The following AP1S3 variants were observed in gnomAD, a reference collection of about 807,000 sequenced individuals.
The protein encoded by AP1S3 is AP-1 complex subunit sigma-3.
Under a neutral mutation model 20.9 loss-of-function variants are expected in AP1S3, and 10 were observed. That is an observed-to-expected ratio of 0.48 (90% CI 0.29 to 0.81). AP1S3 has a LOEUF of 0.81. AP1S3 is among the 30% of genes least tolerant of loss of function. The pLI is 0.08. For synonymous variants in AP1S3, 41 were observed against 61.5 expected (o/e 0.67, Z 1.56); for missense variants, 154 against 183.8 (o/e 0.84, Z 0.94).
intron 1 of AP1S3, among the ~76,000 whole-genome samples, chr2:223,820,110 T>A (rs1025065956): frequency 3.9e-5 from 6 of 152,322 alleles, no homozygotes; most frequent in Admixed American, 1.3e-4. Flanking sequence ...CACTTTGATA[T>A]CAATTTTACT....
intron 1 of AP1S3, among the ~76,000 whole-genome samples, chr2:223,818,187 T>C (rs1468728176): frequency 3.9e-5 from 6 of 152,094 alleles, no homozygotes; most frequent in Non-Finnish European, 8.8e-5. Context: ...GAGGCCAAAG[T>C]AGGTGGATCT....
intron 3 of AP1S3, among the ~76,000 whole-genome samples, chr2:223,773,744 A>C (rs553364472): frequency 4.6e-4 from 70 of 152,344 alleles, no homozygotes; most frequent in East Asian, 1.2e-3. Context: ...ACAAGAACAA[A>C]AAAAAACTCT....
chr2:223,770,140 T>C (rs1690580137), intron 3 of AP1S3: 1 of 1,519,664 alleles, frequency 6.6e-7, no homozygotes, highest in African/African-American at 1.4e-5. Flanking sequence ...CAAAAAGAAA[T>C]CACAATAGAT....
At chr2:223,794,380 A>G (rs896435142) in intron 1 of AP1S3, among the ~76,000 whole-genome samples, 5 of 152,094 alleles carry the variant, frequency 3.3e-5, no homozygotes, top group Non-Finnish European at 7.3e-5. Context: ...ATAAAACAAA[A>G]TAAATTATCC....
rs557388378 is a variant in AP1S3, at chr2:223,803,901, A to G, written c.4-26032T>C. ...TCTCAAAAAAAAAAAAAAAAAATAGATGAGAGTATCAATTCCAAAAGGTAC... is the reference window on the plus strand; with the variant it reads ...TCTCAAAAAAAAAAAAAAAAAATAGGTGAGAGTATCAATTCCAAAAGGTAC... On this transcript the variant is annotated intron_variant, in intron 1 of 4. Coordinates refer to ENST00000396654, the MANE Select transcript of AP1S3 (RefSeq NM_001039569.2). Among the ~76,000 whole-genome samples the G allele has an allele frequency of 8.9e-4, 135 of 151,478 alleles. 1 individual carries two copies. The highest frequency in any genetic ancestry group is 9.9e-4 in the Admixed American group (15 of 15,212).
Position 223,837,359 on chromosome 2 carries a change from CCGCGCGCCCGGCCCGGA to C in AP1S3, c.3+72_3+88del, listed in dbSNP as rs1475414907. The C allele has an allele frequency of 5.6e-6, 4 of 718,694 alleles. No homozygotes were observed. In the African/African-American group the frequency reaches 7.4e-5, roughly 13 times the overall value. The allele number at this position is 718,694 out of a possible 1,614,324, so 44.5% of individuals were successfully genotyped here. On this transcript the variant is annotated intron_variant, in intron 1 of 4. Transcript: ENST00000396654. ...GGACTCGGCCCGCACCCCCACCCGGCCGCGCGCCCGGCCCGGACGCCCCAGGTGCCTCCCCGGAGCGC... is the reference window on the plus strand; with the variant it reads ...GGACTCGGCCCGCACCCCCACCCGGCCGCCCCAGGTGCCTCCCCGGAGCGC...
At chr2:223,811,057 C>G (rs1691712482) in intron 1 of AP1S3, among the ~76,000 whole-genome samples, 1 of 151,182 alleles carries the variant, frequency 6.6e-6, no homozygotes, top group African/African-American at 2.4e-5. Flanking sequence ...CATGAATGAA[C>G]TGTAGAGTGG....
intron 1 of AP1S3, among the ~76,000 whole-genome samples, chr2:223,819,598 TAA>T (rs61543706): frequency 4.3e-4 from 63 of 146,292 alleles, no homozygotes; most frequent in African/African-American, 8.8e-4. Flanking sequence ...ATGCCTTGTG[TAA>T]AAAAAAAAAA....
At chr2:223,774,747 A>G (rs1435301401) in intron 3 of AP1S3, among the ~76,000 whole-genome samples, 1 of 152,206 alleles carries the variant, frequency 6.6e-6, no homozygotes, top group Non-Finnish European at 1.5e-5. Flanking sequence ...AAGCATAGGA[A>G]AAGACAAAAC....
At chr2:223,769,806 C>G (rs1269179492) in intron 3 of AP1S3, among the ~76,000 whole-genome samples, 1 of 133,010 alleles carries the variant, frequency 7.5e-6, no homozygotes, top group Non-Finnish European at 1.5e-5. Context: ...TGCAGTGGCG[C>G]GATCTCGGCT....
chr2:223,758,824 A>G, intron 4 of AP1S3, 74 bp from the exon 5 acceptor site: 2 of 1,295,466 alleles, frequency 1.5e-6, no homozygotes, highest in South Asian at 1.3e-5. Flanking sequence ...AATCTTCTGC[A>G]TTCTTTTATT....
chr2:223,773,344 G>A (rs1414517233), intron 3 of AP1S3: 1 of 1,303,976 alleles, frequency 7.7e-7, no homozygotes, highest in African/African-American at 1.5e-5. Flanking sequence ...TCTTGCAAAA[G>A]GCCAAGTCTG....
intron 1 of AP1S3, among the ~76,000 whole-genome samples, chr2:223,796,103 G>A (rs1361597454): frequency 6.6e-6 from 1 of 152,156 alleles, no homozygotes; most frequent in Non-Finnish European, 1.5e-5. Context: ...AACCCAGGAG[G>A]TGGAGGATGC....
At chr2:223,837,395 G>A in intron 1 of AP1S3, 53 bp downstream of exon 1, 2 of 1,010,276 alleles carry the variant, frequency 2.0e-6, no homozygotes, top group Non-Finnish European at 2.5e-6. Context: ...GTGCCTCCCC[G>A]GAGCGCGAGC....
chr2:223,809,200 C>G (rs1227830950), intron 1 of AP1S3, among the ~76,000 whole-genome samples: 1 of 152,244 alleles, frequency 6.6e-6, no homozygotes, highest in East Asian at 1.9e-4. Context: ...CAAGGCCATA[C>G]TCAACATGCC....
At chr2:223,773,929 C>T (rs1193212804) in intron 3 of AP1S3, among the ~76,000 whole-genome samples, 1 of 152,172 alleles carries the variant, frequency 6.6e-6, no homozygotes, top group Non-Finnish European at 1.5e-5. Context: ...CAGCTGGTTA[C>T]AAGTTAAGCG....
At chr2:223,815,362 G>A (rs919806559) in intron 1 of AP1S3, among the ~76,000 whole-genome samples, 7 of 152,300 alleles carry the variant, frequency 4.6e-5, no homozygotes, top group African/African-American at 1.4e-4. Flanking sequence ...AACCAGGGTT[G>A]ATTTTGGATG....
chr2:223,780,339 A>AGTGT (rs1690906005), intron 1 of AP1S3, among the ~76,000 whole-genome samples: 1 of 124,550 alleles, frequency 8.0e-6, no homozygotes, highest in East Asian at 2.4e-4. Context: ...AGAGAGAGAG[A>AGTGT]GAGAGAGAGA....
intron 1 of AP1S3, among the ~76,000 whole-genome samples, chr2:223,807,867 CTTTT>C (rs138805104): frequency 1.6e-4 from 7 of 43,224 alleles, no homozygotes; most frequent in African/African-American, 4.1e-4. Context: ...CATTTCTTTT[CTTTT>C]TTTTTTTTTT....
Sources: gnomAD v4.1 joint callset for allele counts (sites outside exome capture counted in the v4.1 genomes callset) on GRCh38, gnomAD v4.1.1 for gene constraint, MANE v1.5 for transcripts, NCBI Gene and HGNC (gene_info 2026-07-23, HGNC 2026-07-21) for gene names.